Variants in MID1 observed in about 807,000 individuals in gnomAD.
MID1 encodes the protein midline 1, also known as E3 ubiquitin-protein ligase Midline-1.
In MID1, 7 loss-of-function variants were observed where a neutral mutation model predicts 40.4. The ratio of observed to expected loss-of-function variants is 0.17; its 90% CI spans 0.10 to 0.33. MID1 has a LOEUF of 0.33. Ranked by LOEUF, MID1 falls within the 10% of genes least tolerant of loss-of-function variation. The probability of loss-of-function intolerance (pLI) is 1.00; values close to 1 mark genes in which losing one functional copy is unlikely to be tolerated. For synonymous variants in MID1, 229 were observed against 221.2 expected (o/e 1.04, Z -0.31); for missense variants, 367 against 558.5 (o/e 0.66, Z 3.46).
chrX:10,823,366 A>G (rs1362888306), intron 1 of MID1, among the ~76,000 whole-genome samples: 1 of 111,364 alleles, frequency 9.0e-6, no homozygotes, highest in Non-Finnish European at 1.9e-5. Context: ...TAGCTAATGC[A>G]TGCTGGGCTT....
At chrX:10,485,556 A>G (rs1233362936) in intron 4 of MID1, among the ~76,000 whole-genome samples, 19 of 111,676 alleles carry the variant, frequency 1.7e-4, no homozygotes. Flanking sequence ...TTTACTCTCT[A>G]CTAGTCATGG....
intron 1 of MID1, among the ~76,000 whole-genome samples, chrX:10,728,453 G>A (rs993871962): frequency 2.7e-5 from 3 of 112,031 alleles, no homozygotes; most frequent in Non-Finnish European, 5.6e-5. Context: ...GCTCCTGCAG[G>A]AGGGAAAAAG....
chrX:10,528,674 G>T (rs1314529124), intron 2 of MID1, among the ~76,000 whole-genome samples: 1 of 111,741 alleles, frequency 8.9e-6, no homozygotes, highest in Non-Finnish European at 1.9e-5. Context: ...CAGCCTAGAA[G>T]GTAAAACTCA....
At chrX:10,830,748 A>C (rs2044247657) in intron 1 of MID1, among the ~76,000 whole-genome samples, 1 of 112,653 alleles carries the variant, frequency 8.9e-6, no homozygotes, top group South Asian at 3.7e-4. Context: ...GTTAGAAAGG[A>C]TTCCATGAAG....
At chrX:10,580,794 T>C (rs919423484) in intron 1 of MID1, among the ~76,000 whole-genome samples, 26 of 110,357 alleles carry the variant, frequency 2.4e-4, no homozygotes, top group South Asian at 3.9e-4. Flanking sequence ...TGAGCTGATG[T>C]GCTTTCTTCT....
intron 3 of MID1, among the ~76,000 whole-genome samples, chrX:10,497,896 C>T (rs763722955): frequency 6.5e-4 from 73 of 111,775 alleles, no homozygotes; most frequent in African/African-American, 2.3e-3. Context: ...CCATGTCTGG[C>T]ACAAAATAGG....
At chrX:10,629,541 A>C (rs905708454) in intron 1 of MID1, among the ~76,000 whole-genome samples, 2 of 111,910 alleles carry the variant, frequency 1.8e-5, no homozygotes, top group Non-Finnish European at 3.8e-5. Flanking sequence ...TGGCTCTCCA[A>C]ATTTGGGCTG....
intron 1 of MID1, among the ~76,000 whole-genome samples, chrX:10,688,052 A>G (rs2043110909): frequency 9.1e-6 from 1 of 110,352 alleles, no homozygotes; most frequent in African/African-American, 3.3e-5. Flanking sequence ...TTGAGATGAG[A>G]TCTTGCTATA....
At chrX:10,670,234 T>C (rs1030507622) in intron 1 of MID1, among the ~76,000 whole-genome samples, 1 of 112,129 alleles carries the variant, frequency 8.9e-6, no homozygotes, top group Non-Finnish European at 1.9e-5. Flanking sequence ...AAAGCAAACT[T>C]AAATGGCAAG....
At chrX:10,764,655 A>G (rs1292268019) in intron 1 of MID1, among the ~76,000 whole-genome samples, 1 of 111,743 alleles carries the variant, frequency 8.9e-6, no homozygotes, top group Non-Finnish European at 1.9e-5. Context: ...CATTTACAGA[A>G]CAGAATTTCT....
At chrX:10,805,351 G>A (rs2044037464) in intron 1 of MID1, among the ~76,000 whole-genome samples, 1 of 104,640 alleles carries the variant, frequency 9.6e-6, no homozygotes, top group Admixed American at 1.1e-4. Context: ...ATAGTTTACT[G>A]AGAATGATGA....
chrX:10,664,744 A>G (rs756960593), intron 1 of MID1, among the ~76,000 whole-genome samples: 1 of 111,928 alleles, frequency 8.9e-6, no homozygotes, highest in East Asian at 2.8e-4. Context: ...TTGAGCTGGT[A>G]AAGCCTCCGT....
At chrX:10,614,083 G>A (rs964913645) in intron 1 of MID1, among the ~76,000 whole-genome samples, 1 of 110,451 alleles carries the variant, frequency 9.1e-6, no homozygotes, top group African/African-American at 3.3e-5. Flanking sequence ...ATTAATATGT[G>A]ACTCTTGCTC....
At chrX:10,717,460 T>C (rs1400775416) in intron 1 of MID1, among the ~76,000 whole-genome samples, 1 of 109,179 alleles carries the variant, frequency 9.2e-6, no homozygotes, top group Non-Finnish European at 1.9e-5. Context: ...GGCCATTACA[T>C]AATGGTAAAG....
At chrX:10,605,196 A>G (rs1469357648) in intron 1 of MID1, among the ~76,000 whole-genome samples, 1 of 112,341 alleles carries the variant, frequency 8.9e-6, no homozygotes, top group Non-Finnish European at 1.9e-5. Flanking sequence ...TTTAAAATAT[A>G]GTTTGTCAGG....
intron 1 of MID1, among the ~76,000 whole-genome samples, chrX:10,640,299 C>G (rs1936175322): frequency 9.0e-6 from 1 of 110,935 alleles, no homozygotes; most frequent in Admixed American, 9.6e-5. Flanking sequence ...CACATAGGCT[C>G]AAAATAAAGG....
chrX:10,601,640 C>CT (rs1935520996), intron 1 of MID1, among the ~76,000 whole-genome samples: 1 of 111,550 alleles, frequency 9.0e-6, no homozygotes, highest in Non-Finnish European at 1.9e-5. Context: ...ACTTTCTCCC[C>CT]TAATAGTGTG....
At chrX:10,802,255 T>C (rs1035558658) in intron 1 of MID1, among the ~76,000 whole-genome samples, 2 of 111,524 alleles carry the variant, frequency 1.8e-5, no homozygotes, top group African/African-American at 6.5e-5. Context: ...ACTTACAAAA[T>C]TGGAGAAAAT....
At chrX:10,533,361 AAAG>A (rs1933072574) in intron 2 of MID1, among the ~76,000 whole-genome samples, 1 of 82,293 alleles carries the variant, frequency 1.2e-5, no homozygotes, top group African/African-American at 4.7e-5. Flanking sequence ...AGAAAGAAAG[AAAG>A]AAAGAAAGAA....
Sources: allele counts gnomAD v4.1 joint callset (sites outside exome capture counted in the v4.1 genomes callset), GRCh38; gene constraint gnomAD v4.1.1; transcripts MANE v1.5; gene names NCBI Gene and HGNC (gene_info 2026-07-23, HGNC 2026-07-21).